Variants in IARS1 observed in about 807,000 individuals in gnomAD.
IARS1 encodes isoleucine--tRNA ligase, cytoplasmic.
Under a neutral mutation model 168.2 loss-of-function variants are expected in IARS1, and 124 were observed. That is an observed-to-expected ratio of 0.74 (90% confidence interval 0.64 to 0.86). The LOEUF is 0.86. Ranked by LOEUF, IARS1 falls within the 40% of genes least tolerant of loss-of-function variation. The pLI, the probability that IARS1 is intolerant of heterozygous loss-of-function variation, is 0.00. For missense variants in IARS1, 1,452 were observed against 1,515.8 expected (o/e 0.96, Z 0.70); for synonymous variants, 532 against 529.4 (o/e 1.00, Z -0.07).
chr9:92,274,721 T>A (rs1005750637), intron 9 of IARS1, among the ~76,000 whole-genome samples, 200 bp from the exon 10 acceptor site: 22 of 152,202 alleles, frequency 1.4e-4, no homozygotes, highest in African/African-American at 5.1e-4. Context: ...AGTTACCACT[T>A]ATAAACGAAA....
chr9:92,253,638 T>G (rs1309319353), intron 20 of IARS1, among the ~76,000 whole-genome samples, 185 bp from the exon 21 acceptor site: 1 of 152,136 alleles, frequency 6.6e-6, no homozygotes, highest in Non-Finnish European at 1.5e-5. Flanking sequence ...TACATGGCAG[T>G]CAGAGTGTTT....
chr9:92,242,544 T>A, intron 28 of IARS1: 1 of 536,658 alleles, frequency 1.9e-6, no homozygotes, highest in South Asian at 2.6e-5. Flanking sequence ...GGATAGGGCA[T>A]GTTTCTTTTC....
At chr9:92,287,666 T>C in intron 4 of IARS1, 125 bp downstream of exon 4, 1 of 1,034,210 alleles carries the variant, frequency 9.7e-7, no homozygotes, top group Non-Finnish European at 1.4e-6. Context: ...GGGTTGAAGG[T>C]GGAAGCTAAC....
intron 30 of IARS1, among the ~76,000 whole-genome samples, chr9:92,240,006 C>A (rs891075674): frequency 1.1e-4 from 16 of 152,110 alleles, no homozygotes; most frequent in African/African-American, 3.9e-4. Context: ...TTCCAGGTTG[C>A]CAGCTTCTTC....
chr9:92,291,438 T>C (rs1836320059), intron 1 of IARS1, among the ~76,000 whole-genome samples: 1 of 152,210 alleles, frequency 6.6e-6, no homozygotes, highest in African/African-American at 2.4e-5. Flanking sequence ...GTAGTATCTT[T>C]CATTTTCTTT....
At chr9:92,234,340 T>C (rs1385697581) in intron 30 of IARS1, among the ~76,000 whole-genome samples, 2 of 152,340 alleles carry the variant, frequency 1.3e-5, no homozygotes, top group African/African-American at 4.8e-5. Flanking sequence ...TTTTCCCTCA[T>C]AATATGAATG....
intron 26 of IARS1, among the ~76,000 whole-genome samples, chr9:92,247,021 C>T (rs1466317965): frequency 6.6e-6 from 1 of 152,090 alleles, no homozygotes; most frequent in Non-Finnish European, 1.5e-5. Context: ...TGGTGAAACC[C>T]TGTTTCTACC....
At chr9:92,251,057 T>C (rs954600108) in intron 22 of IARS1, 1 of 581,584 alleles carries the variant, frequency 1.7e-6, no homozygotes, top group South Asian at 1.5e-5. Flanking sequence ...TCTAGAATTC[T>C]GAAGGATGTC....
At chr9:92,211,419 T>G (rs1587668856) in intron 33 of IARS1, among the ~76,000 whole-genome samples, 1 of 152,158 alleles carries the variant, frequency 6.6e-6, no homozygotes, top group Non-Finnish European at 1.5e-5. Context: ...AAACCATGAG[T>G]GTAATACCTT....
chr9:92,262,926 T>C (rs1831735068), intron 17 of IARS1, 43 bp downstream of exon 17: 2 of 1,402,246 alleles, frequency 1.4e-6, no homozygotes, highest in Non-Finnish European at 2.0e-6. Flanking sequence ...TAAGAAACAG[T>C]GGAGACAAAG....
In IARS1 at chr9:92,248,120, C is replaced by T. The variant is rs1161386810; in HGVS notation, c.2617-569G>A. Reference sequence around the variant, plus strand: ...GGACTCCAGACCCAGAAATATAAACCTCATCCCTCAGAGGTAACCTTTGTG... The same window carrying T: ...GGACTCCAGACCCAGAAATATAAACTTCATCCCTCAGAGGTAACCTTTGTG... On this transcript the variant is annotated intron_variant, in intron 25 of 33. Coordinates refer to ENST00000443024, the MANE Select transcript of IARS1 (RefSeq NM_002161.6). Among the ~76,000 whole-genome samples the T allele has an allele frequency of 5.0e-4, 76 of 152,124 alleles. 2 individuals carry two copies. The highest frequency in any genetic ancestry group is 5.0e-3 in the Admixed American group (76 of 15,274).
Position 92,251,681 on chromosome 9 carries a change from A to G in IARS1, c.2307+127T>C, listed in dbSNP as rs543686031. 4 of 664,928 alleles carry G rather than the reference A, an allele frequency of 6.0e-6. No individual in the cohort carries two copies. The African/African-American group carries it at 7.3e-5, about 12-fold the overall frequency. The allele number at this position is 664,928 out of a possible 1,614,324, so 41.2% of individuals were successfully genotyped here. ...TAAGGAACTAGAGCTATAAGGTGTT[A>G]TAAAACTTCTATATCTATTTTTGGC... On this transcript the variant is annotated intron_variant, in intron 22 of 33. Transcript: ENST00000443024.
chr9:92,252,376 A>G (rs781260294), intron 21 of IARS1: 26 of 516,648 alleles, frequency 5.0e-5, no homozygotes, highest in Non-Finnish European at 8.5e-5. Context: ...TACTGTAAGC[A>G]TCTTAGCATA....
intron 20 of IARS1, 63 bp downstream of exon 20, chr9:92,256,617 C>A (rs1830760978): frequency 1.4e-6 from 2 of 1,459,944 alleles, no homozygotes; most frequent in South Asian, 1.3e-5. Flanking sequence ...TATTAAATAT[C>A]AAAAGGGCAG....
At chr9:92,221,595 T>C (rs1249691247) in intron 33 of IARS1, among the ~76,000 whole-genome samples, 2 of 152,126 alleles carry the variant, frequency 1.3e-5, no homozygotes, top group African/African-American at 2.4e-5. Flanking sequence ...AACAGAGAAG[T>C]TGACAGAGCA....
intron 30 of IARS1, among the ~76,000 whole-genome samples, chr9:92,235,512 G>C (rs1398624307): frequency 7.4e-6 from 1 of 135,364 alleles, no homozygotes; most frequent in East Asian, 2.2e-4. Context: ...TAATTACATT[G>C]ATTTTTTTTT....
At position 92,245,037 on chromosome 9, in the gene IARS1, A is replaced by G. The variant is rs1449875112; in HGVS notation, c.2826T>C (p.Asp942=). The G allele has an allele frequency of 5.0e-6, 8 of 1,614,108 alleles. No individual in the cohort carries two copies. The highest frequency in any genetic ancestry group is 3.3e-5 in the Admixed American group (2 of 60,004). ...AGGTGTACATGAGGCGGATGTCTTC[A>G]TCGTGCAATTCATGGCCTTCCACAA... ...TIVVEGHELH[D]EDIRLMYTFD... Residue 942 remains aspartate, a synonymous_variant, in exon 27 of 34, where the codon GAT becomes GAC. Coordinates refer to ENST00000443024, the MANE Select transcript of IARS1 (RefSeq NM_002161.6).
chr9:92,282,236 C>G (rs956817900), intron 6 of IARS1, among the ~76,000 whole-genome samples: 7 of 152,062 alleles, frequency 4.6e-5, no homozygotes, highest in Non-Finnish European at 8.8e-5. Context: ...TTTAGGGAAT[C>G]TAGTTGAAGG....
chr9:92,254,422 A>T (rs1311689427), intron 20 of IARS1, among the ~76,000 whole-genome samples: 1 of 152,252 alleles, frequency 6.6e-6, no homozygotes, highest in Non-Finnish European at 1.5e-5. Flanking sequence ...AAAAGAGTCC[A>T]GGGACTGTTA....
Sources: allele counts gnomAD v4.1 joint callset (sites outside exome capture counted in the v4.1 genomes callset), GRCh38; gene constraint gnomAD v4.1.1; transcripts MANE v1.5; gene names NCBI Gene and HGNC (gene_info 2026-07-23, HGNC 2026-07-21).